MALRD1: variants seen among roughly 807,000 people sequenced by gnomAD.
The protein encoded by MALRD1 is MAM and LDL receptor class A domain containing 1.
Under a neutral mutation model 242.1 loss-of-function variants are expected in MALRD1, and 247 were observed. The ratio of observed to expected loss-of-function variants is 1.02; its 90% CI spans 0.92 to 1.13. MALRD1 has a LOEUF of 1.13. Ranked by LOEUF, MALRD1 falls within the 50% of genes most tolerant of loss-of-function variation. MALRD1 has a pLI of 0.00. For missense variants in MALRD1, 2,989 were observed against 2,533.1 expected (o/e 1.18, Z -3.86); for synonymous variants, 995 against 866.6 (o/e 1.15, Z -2.60).
intron 28 of MALRD1, among the ~76,000 whole-genome samples, chr10:19,395,342 A>G (rs973235843): frequency 1.9e-4 from 29 of 152,202 alleles, no homozygotes; most frequent in African/African-American, 6.8e-4. Flanking sequence ...GACATGAGAC[A>G]TCAATCAACA....
At chr10:19,115,782 G>A (rs183733237) in intron 5 of MALRD1, among the ~76,000 whole-genome samples, 4 of 152,088 alleles carry the variant, frequency 2.6e-5, no homozygotes, top group Non-Finnish European at 4.4e-5. Flanking sequence ...AGGCTGAGAC[G>A]GGAGAATCGC....
intron 29 of MALRD1, among the ~76,000 whole-genome samples, chr10:19,485,841 TTAAATG>T (rs1479215555): frequency 6.6e-6 from 1 of 152,068 alleles, no homozygotes; most frequent in Non-Finnish European, 1.5e-5. Context: ...ATAGTTTTGT[TTAAATG>T]TAAAATACTG....
intron 36 of MALRD1, among the ~76,000 whole-genome samples, chr10:19,659,269 A>G (rs1051057961): frequency 6.6e-6 from 1 of 152,188 alleles, no homozygotes; most frequent in African/African-American, 2.4e-5. Context: ...AGAGTGTGTA[A>G]TATGTACAGT....
At chr10:19,168,837 C>T (rs1017896945) in intron 13 of MALRD1, among the ~76,000 whole-genome samples, 2 of 152,072 alleles carry the variant, frequency 1.3e-5, no homozygotes, top group Non-Finnish European at 2.9e-5. Flanking sequence ...TGAGTTCTTT[C>T]GAGGCCTCGG....
intron 26 of MALRD1, among the ~76,000 whole-genome samples, chr10:19,372,837 T>A (rs1845438033): frequency 6.6e-6 from 1 of 152,116 alleles, no homozygotes; most frequent in South Asian, 2.1e-4. Flanking sequence ...TAAATTTAAC[T>A]GGATAAGAGA....
chr10:19,468,032 G>T (rs1486817728), intron 29 of MALRD1, among the ~76,000 whole-genome samples: 1 of 152,056 alleles, frequency 6.6e-6, no homozygotes, highest in Non-Finnish European at 1.5e-5. Context: ...GACCTCAAGT[G>T]ATTCACCTGC....
chr10:19,606,463 C>T (rs1161968733), intron 34 of MALRD1, among the ~76,000 whole-genome samples: 1 of 152,154 alleles, frequency 6.6e-6, no homozygotes, highest in Non-Finnish European at 1.5e-5. Flanking sequence ...CTACTGCTGC[C>T]TTTGACATAT....
At chr10:19,222,180 C>T (rs4278424) in intron 18 of MALRD1, among the ~76,000 whole-genome samples, 15,107 of 151,866 alleles carry the variant, frequency 0.099, 1,213 homozygotes, top group East Asian at 0.32. Flanking sequence ...TCTCTCTTTT[C>T]TTCCCTTAGT....
In MALRD1 at chr10:19,583,439, G is replaced by A. The variant is rs1174584356; in HGVS notation, c.5681-11755G>A. ...TTGAGAGTTTTTAGCATGAAGGGTT[G>A]TTGAATTTTGTCAAAGGCCTTTTCT... On this transcript the variant is annotated intron_variant, in intron 33 of 39. Coordinates refer to ENST00000454679, the MANE Select transcript of MALRD1 (RefSeq NM_001142308.3). Among the ~76,000 whole-genome samples the A allele has an allele frequency of 7.4e-5, 11 of 149,376 alleles. No homozygotes were observed. The East Asian group carries it at 1.2e-3, about 16-fold the overall frequency.
intron 19 of MALRD1, among the ~76,000 whole-genome samples, chr10:19,267,507 C>T (rs1434262255): frequency 2.0e-5 from 3 of 151,974 alleles, no homozygotes; most frequent in Admixed American, 2.0e-4. Flanking sequence ...GTCTCACCAG[C>T]TTTATTTACA....
At chr10:19,191,861 G>A (rs1835989761) in intron 14 of MALRD1, among the ~76,000 whole-genome samples, 1 of 152,032 alleles carries the variant, frequency 6.6e-6, no homozygotes, top group Non-Finnish European at 1.5e-5. Flanking sequence ...AGCTGGGAGT[G>A]GTGGTGTGCA....
intron 29 of MALRD1, among the ~76,000 whole-genome samples, chr10:19,482,652 T>TACACACACAC (rs144094060): frequency 0.016 from 2,209 of 136,378 alleles, 29 homozygotes; most frequent in African/African-American, 0.028. Flanking sequence ...TTACAATAGC[T>TACACACACAC]ACACACACAC....
chr10:19,562,360 T>G (rs1260814714), intron 32 of MALRD1, among the ~76,000 whole-genome samples: 2 of 141,932 alleles, frequency 1.4e-5, no homozygotes, highest in South Asian at 4.5e-4. Context: ...TAGATAGATA[T>G]CTAGATAGAT....
Position 19,391,208 on chromosome 10 carries a change from C to G in MALRD1, c.4845+1599C>G, listed in dbSNP as rs1033863057. 3.3e-5 allele frequency among the ~76,000 whole-genome samples: 5 copies of G among 152,094 alleles called. No individual in the cohort carries two copies. The South Asian group carries it at 6.2e-4, about 19-fold the overall frequency. ...GGAAATTTAACAGCATTTTAAAAAGCCTGTCTTCCTACTGTGCACACACAC... is the reference window on the plus strand; with the variant it reads ...GGAAATTTAACAGCATTTTAAAAAGGCTGTCTTCCTACTGTGCACACACAC... On this transcript the variant is annotated intron_variant, in intron 28 of 39. Coordinates refer to ENST00000454679, the MANE Select transcript of MALRD1 (RefSeq NM_001142308.3).
At chr10:19,340,321 G>T (rs1291756494) in intron 24 of MALRD1, among the ~76,000 whole-genome samples, 1 of 150,156 alleles carries the variant, frequency 6.7e-6, no homozygotes, top group African/African-American at 2.5e-5. Flanking sequence ...ATTTATCACT[G>T]ACTGTAGTCA....
At chr10:19,206,191 A>G (rs1412887227) in intron 17 of MALRD1, among the ~76,000 whole-genome samples, 2 of 152,012 alleles carry the variant, frequency 1.3e-5, no homozygotes, top group Non-Finnish European at 2.9e-5. Context: ...AGAAATGTAA[A>G]ATGCTTACTA....
At chr10:19,066,370 G>C (rs1834980689) in intron 1 of MALRD1, among the ~76,000 whole-genome samples, 2 of 152,140 alleles carry the variant, frequency 1.3e-5, no homozygotes, top group Non-Finnish European at 2.9e-5. Flanking sequence ...ACACAGGACA[G>C]GATGTTATTG....
intron 5 of MALRD1, among the ~76,000 whole-genome samples, chr10:19,104,944 A>G (rs750271860): frequency 6.6e-6 from 1 of 152,118 alleles, no homozygotes; most frequent in African/African-American, 2.4e-5. Flanking sequence ...GTGATGTTAA[A>G]TACATGTATC....
chr10:19,237,540 T>A (rs1385127407), intron 18 of MALRD1, among the ~76,000 whole-genome samples: 315 of 122,556 alleles, frequency 2.6e-3, no homozygotes, highest in Non-Finnish European at 3.0e-3. Context: ...ATATATAATT[T>A]TATGTATAAT....
Sources: allele counts gnomAD v4.1 joint callset (sites outside exome capture counted in the v4.1 genomes callset), GRCh38; gene constraint gnomAD v4.1.1; transcripts MANE v1.5; gene names NCBI Gene and HGNC (gene_info 2026-07-23, HGNC 2026-07-21).